Variants in GDPD1 observed in about 807,000 individuals in gnomAD.
The protein encoded by GDPD1 is glycerophosphodiester phosphodiesterase domain containing 1, also known as lysophospholipase D GDPD1.
GDPD1 carries 28 observed loss-of-function variants against 45.1 expected under a neutral mutation model. The observed-to-expected ratio is 0.62, with a 90% CI of 0.46 to 0.85. The LOEUF is 0.85. Among genes scored for constraint, GDPD1 ranks in the 40% least tolerant of loss-of-function variants. The probability of loss-of-function intolerance (pLI) is 0.00; values close to 1 mark genes in which losing one functional copy is unlikely to be tolerated. For missense variants in GDPD1, 256 were observed against 364.8 expected, an observed-to-expected ratio of 0.70 and a Z score of 2.43; for synonymous variants, 139 against 131.4, an observed-to-expected ratio of 1.06 and a Z score of -0.40.
intron 1 of GDPD1, among the ~76,000 whole-genome samples, chr17:59,234,251 T>C (rs775627695): frequency 1.3e-4 from 19 of 151,990 alleles, no homozygotes; most frequent in South Asian, 4.2e-4. Flanking sequence ...CTCAGGAGGC[T>C]GAGGCAGGAG....
intron 1 of GDPD1, among the ~76,000 whole-genome samples, chr17:59,224,647 C>CA (rs372511539): frequency 2.5e-4 from 30 of 120,828 alleles, no homozygotes; most frequent in Non-Finnish European, 4.9e-4. Flanking sequence ...AAACAAAAAA[C>CA]AAAAACAAAA....
chr17:59,255,758 AAAAAATAT>A lies in GDPD1; in HGVS notation c.368-1362_368-1355del, dbSNP rs1452607487. ...AACTCCGTCTCAAAAAAAAAAAAAA[AAAAAATAT>A]ATATATATATATATATATACGCGTA... On this transcript the variant is annotated intron_variant, in intron 4 of 9. Transcript: ENST00000284116. Among the ~76,000 whole-genome samples, 25 of 76,582 alleles carry A rather than the reference AAAAAATAT, an allele frequency of 3.3e-4. 1 individual carries two copies. Among genetic ancestry groups the A allele is most frequent in the African/African-American group, 2.1e-3 (23 of 11,030 alleles). 50.2% of individuals were successfully genotyped at this position (76,582 alleles called of 152,430 possible).
intron 3 of GDPD1, among the ~76,000 whole-genome samples, chr17:59,247,410 C>T (rs551193633): frequency 6.6e-6 from 1 of 152,214 alleles, no homozygotes; most frequent in Non-Finnish European, 1.5e-5. Flanking sequence ...CCCTGCCAAC[C>T]GCTGATGTTT....
intron 6 of GDPD1, among the ~76,000 whole-genome samples, chr17:59,263,495 T>TTTTTTTTTG (rs57916337): frequency 6.9e-6 from 1 of 145,844 alleles, no homozygotes; most frequent in African/African-American, 2.5e-5. Context: ...TTTTTTTTTT[T>TTTTTTTTTG]GAGACGGAGT....
intron 2 of GDPD1, among the ~76,000 whole-genome samples, chr17:59,235,098 G>A (rs1347583242): frequency 6.6e-6 from 1 of 151,312 alleles, no homozygotes; most frequent in Non-Finnish European, 1.5e-5. Flanking sequence ...TTAATACCTC[G>A]TTCTTTGTCT....
rs568362633 is a variant in GDPD1 at position 59,234,635 on chromosome 17, G to C, written c.185+101G>C. ...ACAAAGTGAGGATAGTGTAAGTGTA[G>C]CATCAGTTTGTGATAGTTGTTTCTA... On this transcript the variant is annotated intron_variant, in intron 2 of 9. Coordinates refer to ENST00000284116, the MANE Select transcript of GDPD1 (RefSeq NM_182569.4). 3.2e-5 allele frequency: 25 copies of C among 779,860 alleles called. No individual in the cohort carries two copies. In the South Asian group the frequency reaches 4.1e-4, roughly 13 times the overall value. 48.3% of individuals were successfully genotyped at this position (779,860 alleles called of 1,614,324 possible). A position where few individuals can be genotyped will look rare whatever the true frequency, so the allele number is the denominator to read the frequency against.
In GDPD1 at chr17:59,220,711, G is replaced by A. The variant is rs889141452; in HGVS notation, c.102G>A (p.Lys34=). The change falls in exon 1 of 10, where the codon AAG becomes AAA. Residue 34 remains lysine (K), a synonymous_variant. Transcript: ENST00000284116. ...LKYPTLLHQR[K]KQRFLSKHIS... ...ACCCGACCTTGCTGCACCAGAGAAA[G>A]AAGCAGCGATTCCTCAGTAAACACA... The A allele has an allele frequency of 3.7e-6, 6 of 1,614,012 alleles. No homozygotes were observed. In the African/African-American group the frequency reaches 6.7e-5, roughly 18 times the overall value.
chr17:59,246,401 CA>C (rs1242826316), intron 3 of GDPD1, among the ~76,000 whole-genome samples: 2 of 151,722 alleles, frequency 1.3e-5, no homozygotes, highest in Non-Finnish European at 2.9e-5. Flanking sequence ...GGCAGATCAC[CA>C]GAGGTCAGGA....
At position 59,267,139 on chromosome 17, in the gene GDPD1, GT is replaced by G. The variant is rs1421542993; in HGVS notation, c.681del (p.Phe227LeufsTer10). On this transcript the variant is annotated frameshift_variant, in exon 7 of 10. Transcript: ENST00000284116. LOFTEE classifies it high-confidence loss of function. ...LLPFVPIREQ[F>X]FEIPMPSIIL... is the part of the protein sequence containing the mutation. ...TGCCCTTTGTGCCCATTCGAGAACAGTTTTTTGAAATCCCAATGCCTTCTAT... is the reference window on the plus strand; with the variant it reads ...TGCCCTTTGTGCCCATTCGAGAACAGTTTTTGAAATCCCAATGCCTTCTAT... The G allele has an allele frequency of 1.9e-6, 3 of 1,613,996 alleles. No homozygotes were observed.
intron 1 of GDPD1, among the ~76,000 whole-genome samples, chr17:59,223,185 T>C (rs762397852): frequency 3.3e-5 from 5 of 152,244 alleles, no homozygotes; most frequent in Non-Finnish European, 7.3e-5. Context: ...TTAGGTCATT[T>C]CAATATTACC....
At chr17:59,248,095 T>C (rs1195086355) in intron 3 of GDPD1, among the ~76,000 whole-genome samples, 5 of 152,036 alleles carry the variant, frequency 3.3e-5, no homozygotes, top group African/African-American at 4.8e-5. Flanking sequence ...AGGGAAATTA[T>C]TGGGTAAAAG....
At chr17:59,265,241 T>C (rs532995485) in intron 6 of GDPD1, among the ~76,000 whole-genome samples, 1 of 152,084 alleles carries the variant, frequency 6.6e-6, no homozygotes, top group African/African-American at 2.4e-5. Context: ...TTTTTTCCAG[T>C]AAATATAGCA....
Position 59,220,752 on chromosome 17 carries a change from G to T in GDPD1, c.142+1G>T. ...AGTAAACACATCTCTCACCGCGGAGGTGAGAGGGGTCCCCAGAACCCGATG... is the reference window on the plus strand; with the variant it reads ...AGTAAACACATCTCTCACCGCGGAGTTGAGAGGGGTCCCCAGAACCCGATG... On this transcript the variant is annotated splice_donor_variant, in intron 1 of 9. Transcript: ENST00000284116. LOFTEE classifies it high-confidence loss of function. 1 of 1,612,574 alleles carries T rather than the reference G, an allele frequency of 6.2e-7. No homozygotes were observed. Among genetic ancestry groups the T allele is most frequent in the Non-Finnish European group, 8.5e-7 (1 of 1,179,798 alleles).
chr17:59,256,338 AG>A, intron 4 of GDPD1, among the ~76,000 whole-genome samples: 1 of 152,264 alleles, frequency 6.6e-6, no homozygotes, highest in Middle Eastern at 3.4e-3. Context: ...CAAACAAAAA[AG>A]AGACTAGAGA....
At chr17:59,262,762 G>A (rs918740772) in intron 6 of GDPD1, among the ~76,000 whole-genome samples, 1 of 151,884 alleles carries the variant, frequency 6.6e-6, no homozygotes, top group Admixed American at 6.6e-5. Context: ...CGAGTAGCTG[G>A]GATTACAGGC....
chr17:59,254,118 T>C (rs1397810723), intron 4 of GDPD1, among the ~76,000 whole-genome samples: 1 of 150,310 alleles, frequency 6.7e-6, no homozygotes, highest in Non-Finnish European at 1.5e-5. Context: ...TCCCAGCACT[T>C]TGGGAGGCTG....
At chr17:59,266,559 A>G (rs1038688074) in intron 6 of GDPD1, among the ~76,000 whole-genome samples, 1 of 152,184 alleles carries the variant, frequency 6.6e-6, no homozygotes, top group African/African-American at 2.4e-5. Context: ...TACAAATCCT[A>G]TTTATATTTT....
intron 4 of GDPD1, among the ~76,000 whole-genome samples, chr17:59,252,585 C>A (rs1050659140): frequency 1.6e-4 from 24 of 151,994 alleles, no homozygotes; most frequent in Non-Finnish European, 1.9e-4. Context: ...GTAGCCCCAG[C>A]TACTCGGGAG....
chr17:59,253,036 C>A (rs2047268366), intron 4 of GDPD1, among the ~76,000 whole-genome samples: 1 of 152,106 alleles, frequency 6.6e-6, no homozygotes, highest in South Asian at 2.1e-4. Context: ...TATTATCTAT[C>A]CTGATTATTT....
Sources: gnomAD v4.1 joint callset for allele counts (sites outside exome capture counted in the v4.1 genomes callset) on GRCh38, gnomAD v4.1.1 for gene constraint, MANE v1.5 for transcripts, NCBI Gene and HGNC (gene_info 2026-07-23, HGNC 2026-07-21) for gene names.